The following KLRG1 variants were observed in gnomAD, a reference collection of about 807,000 sequenced individuals.
The protein encoded by KLRG1 is killer cell lectin-like receptor subfamily G member 1.
KLRG1 carries 16 observed loss-of-function variants against 21.8 expected under a neutral mutation model. That is an observed-to-expected ratio of 0.73 (90% CI 0.50 to 1.11). The LOEUF is 1.11. Ranked by LOEUF, KLRG1 falls within the 50% of genes most tolerant of loss-of-function variation. The pLI, the probability that KLRG1 is intolerant of heterozygous loss-of-function variation, is 0.00. For missense variants in KLRG1, 173 were observed against 218.3 expected, an observed-to-expected ratio of 0.79 and a Z score of 1.31; for synonymous variants, 69 against 75.9, an observed-to-expected ratio of 0.91 and a Z score of 0.47.
At chr12:9,043,193 C>T in the KLRG1 span, among the ~76,000 whole-genome samples, 1 of 151,636 alleles carries the variant, frequency 6.6e-6, no homozygotes, top group Admixed American at 6.6e-5. Flanking sequence ...CTCCCTGCCT[C>T]AGCCTCCCAA....
chr12:9,183,168 A>T, the KLRG1 span, among the ~76,000 whole-genome samples: 1 of 152,362 alleles, frequency 6.6e-6, no homozygotes, highest in African/African-American at 2.4e-5. Flanking sequence ...TATTTTACAA[A>T]GTATAATATC....
chr12:9,123,819 A>G, the KLRG1 span, among the ~76,000 whole-genome samples: 1 of 149,496 alleles, frequency 6.7e-6, no homozygotes, highest in African/African-American at 2.5e-5. Flanking sequence ...CTTTATAGTA[A>G]TTTCCTCTAT....
the KLRG1 span, among the ~76,000 whole-genome samples, chr12:9,173,655 G>A: frequency 1.3e-5 from 2 of 152,274 alleles, no homozygotes; most frequent in Non-Finnish European, 2.9e-5. Flanking sequence ...TATCACCACT[G>A]ACCTCACAGA....
At chr12:9,143,478 A>G in the KLRG1 span, among the ~76,000 whole-genome samples, 2 of 152,184 alleles carry the variant, frequency 1.3e-5, no homozygotes, top group Middle Eastern at 3.4e-3. Context: ...TTTCAGAGGA[A>G]GGGGTTTAGA....
At chr12:9,213,100 G>A in the KLRG1 span, among the ~76,000 whole-genome samples, 138 of 152,186 alleles carry the variant, frequency 9.1e-4, no homozygotes, top group Middle Eastern at 6.8e-3. Context: ...TTCACATAGC[G>A]TGATGTTTTC....
chr12:9,095,007 C>T, the KLRG1 span: 24 of 1,589,960 alleles, frequency 1.5e-5, no homozygotes, highest in Non-Finnish European at 1.9e-5. Flanking sequence ...CAGGTCCATG[C>T]ATTTCATACT....
At chr12:9,091,293 A>T in the KLRG1 span, 1 of 1,614,174 alleles carries the variant, frequency 6.2e-7, no homozygotes. Flanking sequence ...AGCTCCACAA[A>T]GAAGGGCTGG....
chr12:9,157,101 C>A, the KLRG1 span: 3 of 1,428,432 alleles, frequency 2.1e-6, no homozygotes, highest in Non-Finnish European at 2.9e-6. Flanking sequence ...CCCAGACAGG[C>A]CCCAATGTGT....
the KLRG1 span, chr12:9,115,158 C>T: frequency 6.6e-6 from 1 of 152,358 alleles, no homozygotes; most frequent in Non-Finnish European, 1.5e-5. Flanking sequence ...CCAAAAATCA[C>T]CTAGTACTCT....
the KLRG1 span, among the ~76,000 whole-genome samples, chr12:9,090,198 T>C: frequency 6.6e-6 from 1 of 152,134 alleles, no homozygotes; most frequent in Non-Finnish European, 1.5e-5. Flanking sequence ...GGTGGAGATG[T>C]TGAGGATATC....
At chr12:9,041,770 T>C in the KLRG1 span, among the ~76,000 whole-genome samples, 1 of 152,230 alleles carries the variant, frequency 6.6e-6, no homozygotes, top group African/African-American at 2.4e-5. Flanking sequence ...AGCTATCATC[T>C]AACTGCTTGA....
At chr12:9,123,372 C>T in the KLRG1 span, among the ~76,000 whole-genome samples, 1 of 152,222 alleles carries the variant, frequency 6.6e-6, no homozygotes, top group African/African-American at 2.4e-5. Flanking sequence ...CATCACTACT[C>T]TTGAGCTTTG....
the KLRG1 span, chr12:9,037,019 A>T: frequency 5.4e-6 from 1 of 186,190 alleles, no homozygotes; most frequent in South Asian, 1.1e-4. Context: ...TCAAGTGCCA[A>T]CTGCACTCAT....
chr12:9,163,579 G>A, the KLRG1 span: 1 of 1,417,946 alleles, frequency 7.1e-7, no homozygotes, highest in Non-Finnish European at 9.7e-7. Flanking sequence ...TATTGTGTGA[G>A]CATGATATTA....
chr12:9,102,431 G>A, the KLRG1 span, among the ~76,000 whole-genome samples: 2 of 152,026 alleles, frequency 1.3e-5, no homozygotes, highest in East Asian at 1.9e-4. Flanking sequence ...GCCTAGGCTC[G>A]TCTCGATCTC....
At chr12:9,148,608 G>A in the KLRG1 span, among the ~76,000 whole-genome samples, 3 of 151,832 alleles carry the variant, frequency 2.0e-5, no homozygotes, top group Non-Finnish European at 4.4e-5. Context: ...GACCCTTCCA[G>A]TCCAGTTATA....
the KLRG1 span, among the ~76,000 whole-genome samples, chr12:9,084,308 G>A: frequency 2.0e-5 from 3 of 152,276 alleles, no homozygotes; most frequent in African/African-American, 7.2e-5. Flanking sequence ...TGACTGTAAT[G>A]ATGGTATTTA....
At chr12:9,213,201 C>T in the KLRG1 span, among the ~76,000 whole-genome samples, 1 of 152,026 alleles carries the variant, frequency 6.6e-6, no homozygotes, top group African/African-American at 2.4e-5. Flanking sequence ...ATGGACATAC[C>T]ACATTTTGTT....
intron 3 of KLRG1, among the ~76,000 whole-genome samples, chr12:9,007,410 G>A (rs530503097): frequency 3.9e-5 from 6 of 152,080 alleles, no homozygotes; most frequent in Non-Finnish European, 5.9e-5. Context: ...ACAGGTGCCC[G>A]CCACCATGCC....
Sources: allele counts gnomAD v4.1 joint callset (sites outside exome capture counted in the v4.1 genomes callset), GRCh38; gene constraint gnomAD v4.1.1; transcripts MANE v1.5; gene names NCBI Gene and HGNC (gene_info 2026-07-23, HGNC 2026-07-21).